ZFYVE1: variants seen among roughly 807,000 people sequenced by gnomAD.
ZFYVE1 encodes the protein zinc finger FYVE-type containing 1, also known as zinc finger FYVE domain-containing protein 1.
In ZFYVE1, 30 loss-of-function variants were observed where a neutral mutation model predicts 74.4. That is an observed-to-expected ratio of 0.40 (90% CI 0.30 to 0.55). The LOEUF (loss-of-function observed/expected upper bound fraction) is 0.55, where lower values mean the gene tolerates loss of function less well. Among genes scored for constraint, ZFYVE1 ranks in the 20% least tolerant of loss-of-function variants. ZFYVE1 has a pLI of 0.42. For synonymous variants in ZFYVE1, 335 were observed against 385.1 expected (o/e 0.87, Z 1.52); for missense variants, 703 against 1,011.6 (o/e 0.69, Z 4.14).
At chr14:73,004,324 G>A (rs762009151) in intron 2 of ZFYVE1, among the ~76,000 whole-genome samples, 4 of 152,044 alleles carry the variant, frequency 2.6e-5, no homozygotes, top group Non-Finnish European at 4.4e-5. Flanking sequence ...CTACTCTGTC[G>A]CGACTCTTTA....
In ZFYVE1 at chr14:72,970,879, G is replaced by T; in HGVS notation, c.*3C>A. ...TGTGAAGGACTCGGAGAGGGGGCTG[G>T]GGTTAAAGGTCACCGGGCTTTTTAT... On this transcript the variant is annotated 3_prime_UTR_variant, in exon 12 of 12. Transcript: ENST00000556143. 4 of 1,613,916 alleles carry T rather than the reference G, an allele frequency of 2.5e-6. No individual in the cohort carries two copies. Among genetic ancestry groups the T allele is most frequent in the Non-Finnish European group, 3.4e-6 (4 of 1,179,806 alleles).
Position 72,975,850 on chromosome 14 carries a change from A to C in ZFYVE1, c.1636-129T>G. 9.9e-7 allele frequency: 1 copy of C among 1,006,056 alleles called. No homozygotes were observed. The highest frequency in any genetic ancestry group is 1.5e-6 in the Non-Finnish European group (1 of 684,802). The allele number at this position is 1,006,056 out of a possible 1,614,324, so 62.3% of individuals were successfully genotyped here. On this transcript the variant is annotated intron_variant, in intron 8 of 11. Transcript: ENST00000556143. This position sits in a 1 kb window ranked among gnomAD's most constrained non-coding sequence, Gnocchi z 4.1. ...ACCACTAACTCCCTGGCAGGGAAGA[A>C]CGGAGACACACCAGGAATCCCTCTG...
chr14:72,978,836 AC>A, intron 6 of ZFYVE1, 24 bp downstream of exon 6: 1 of 1,604,716 alleles, frequency 6.2e-7, no homozygotes, highest in Non-Finnish European at 8.5e-7. Context: ...CGCTGCTGAC[AC>A]AGGGAGGAGC....
At chr14:72,977,736 T>C (rs912876606) in intron 8 of ZFYVE1, among the ~76,000 whole-genome samples, 191 bp downstream of exon 8, 2 of 152,166 alleles carry the variant, frequency 1.3e-5, no homozygotes, top group Non-Finnish European at 2.9e-5. Flanking sequence ...ACTTCTAATA[T>C]ATATGCAAGA....
At chr14:72,973,605 C>T (rs1452669556) in intron 11 of ZFYVE1, among the ~76,000 whole-genome samples, 2 of 152,190 alleles carry the variant, frequency 1.3e-5, no homozygotes, top group Non-Finnish European at 2.9e-5. Flanking sequence ...AAAGAAACCA[C>T]TGAAGAGGCC....
At position 73,027,021 on chromosome 14, in the gene ZFYVE1, T is replaced by C. The variant is rs1427017023; in HGVS notation, c.-530A>G. 6 of 398,904 alleles carry C rather than the reference T, an allele frequency of 1.5e-5. No individual in the cohort carries two copies. The highest frequency in any genetic ancestry group is 2.6e-5 in the Non-Finnish European group (6 of 226,430). 24.7% of individuals were successfully genotyped at this position (398,904 alleles called of 1,614,324 possible). A position where few individuals can be genotyped will look rare whatever the true frequency, so the allele number is the denominator to read the frequency against. On this transcript the variant is annotated 5_prime_UTR_variant, in exon 1 of 12. Coordinates refer to ENST00000556143, the MANE Select transcript of ZFYVE1 (RefSeq NM_021260.4). ...CCTCAGGACACCGGCAGATCCATCC[T>C]CATCTCCATCTCCGCCACCCTCCTC...
Position 72,975,427 on chromosome 14 carries a change from A to G in ZFYVE1, c.1806+124T>C. ...GACTCCTCCCCTTGCCGGTACTCAC[A>G]GAGCTCACTGCACTGGCAGAAAATG... On this transcript the variant is annotated intron_variant, in intron 9 of 11. Transcript: ENST00000556143. The surrounding 1 kb of genome is among the most constrained non-coding windows in gnomAD (Gnocchi z 4.1). The G allele has an allele frequency of 8.0e-7, 1 of 1,243,958 alleles. No homozygotes were observed. Among genetic ancestry groups the G allele is most frequent in the Non-Finnish European group, 1.1e-6 (1 of 901,290 alleles). 77.1% of individuals were successfully genotyped at this position (1,243,958 alleles called of 1,614,324 possible).
intron 2 of ZFYVE1, among the ~76,000 whole-genome samples, chr14:73,013,235 G>A (rs1262220305): frequency 6.6e-6 from 1 of 152,128 alleles, no homozygotes; most frequent in South Asian, 2.1e-4. Flanking sequence ...TCTGCCCCAA[G>A]AACTCCAGCT....
intron 2 of ZFYVE1, among the ~76,000 whole-genome samples, chr14:73,020,038 C>T (rs1017126161): frequency 2.6e-5 from 4 of 151,920 alleles, no homozygotes; most frequent in African/African-American, 9.7e-5. Context: ...GGGCAGGTCA[C>T]GAGGTCAAGA....
At chr14:73,012,130 T>C (rs928845893) in intron 2 of ZFYVE1, among the ~76,000 whole-genome samples, 2 of 151,122 alleles carry the variant, frequency 1.3e-5, no homozygotes, top group Non-Finnish European at 2.9e-5. Flanking sequence ...ATGAAACAAG[T>C]GGAGGGTTGG....
chr14:73,014,910 G>C (rs1032062744), intron 2 of ZFYVE1, among the ~76,000 whole-genome samples: 1 of 152,128 alleles, frequency 6.6e-6, no homozygotes, highest in African/African-American at 2.4e-5. Flanking sequence ...CAGACATGTG[G>C]CAGACCAGTA....
chr14:72,981,767 G>GT (rs773275192), intron 5 of ZFYVE1, 22 bp downstream of exon 5: 49 of 1,608,512 alleles, frequency 3.0e-5, no homozygotes, highest in Non-Finnish European at 3.8e-5. Flanking sequence ...GGGGTGGGAG[G>GT]TGGGGGAGCG....
In ZFYVE1 at chr14:72,988,797, ACT is replaced by A. The variant is rs1350204565; in HGVS notation, c.1203+4344_1203+4345del. Among the ~76,000 whole-genome samples, 5 of 137,040 alleles carry A rather than the reference ACT, an allele frequency of 3.6e-5. No homozygotes were observed. In the East Asian group the frequency reaches 6.5e-4, roughly 18 times the overall value. 89.9% of individuals were successfully genotyped at this position (137,040 alleles called of 152,430 possible). A position where few individuals can be genotyped will look rare whatever the true frequency, so the allele number is the denominator to read the frequency against. On this transcript the variant is annotated intron_variant, in intron 4 of 11. Coordinates refer to ENST00000556143, the MANE Select transcript of ZFYVE1 (RefSeq NM_021260.4). ...ACTCCAGCCTGAGTGACAGAGCAAG[ACT>A]CTGTCTCAAAAAAAAAAAAAAAAAG...
At chr14:73,010,221 T>A (rs1894059749) in intron 2 of ZFYVE1, among the ~76,000 whole-genome samples, 1 of 152,132 alleles carries the variant, frequency 6.6e-6, no homozygotes, top group South Asian at 2.1e-4. Context: ...TCCCAGAACT[T>A]TTGGAGGCCA....
chr14:72,993,104 C>T, intron 4 of ZFYVE1, 39 bp downstream of exon 4: 1 of 1,525,408 alleles, frequency 6.6e-7, no homozygotes, highest in Non-Finnish European at 8.8e-7. Context: ...CACCCACTGG[C>T]ACCCCAATGA....
Position 72,993,209 on chromosome 14 carries a change from C to T in ZFYVE1, c.1137G>A (p.Glu379=), listed in dbSNP as rs2333016. ...TDFSGLRRAL[E]QLLENNTTRS... The stretch of plus-strand genomic sequence containing the variant: ...GGGTGGTGTTATTCTCTAGTAGCTG[C>T]TCCAAAGCACGCCGAAGCCCAGAAA... The change falls in exon 4 of 12, where the codon GAG becomes GAA. Residue 379 remains glutamate (E), a synonymous_variant. Coordinates refer to ENST00000556143, the MANE Select transcript of ZFYVE1 (RefSeq NM_021260.4). 547,339 of 1,613,016 alleles carry T rather than the reference C, an allele frequency of 0.34. 95,454 individuals carry two copies. Among genetic ancestry groups the T allele is most frequent in the Middle Eastern group, 0.39 (2,347 of 6,030 alleles).
intron 4 of ZFYVE1, among the ~76,000 whole-genome samples, chr14:72,992,913 A>G (rs1893654125): frequency 6.6e-6 from 1 of 152,142 alleles, no homozygotes; most frequent in African/African-American, 2.4e-5. Flanking sequence ...TTTTTCTCCT[A>G]GCTGAGGACC....
chr14:72,970,771 A>T lies in ZFYVE1; in HGVS notation c.*111T>A. 1 of 1,185,810 alleles carries T rather than the reference A, an allele frequency of 8.4e-7. No individual in the cohort carries two copies. The highest frequency in any genetic ancestry group is 1.2e-6 in the Non-Finnish European group (1 of 844,666). 73.5% of individuals were successfully genotyped at this position (1,185,810 alleles called of 1,614,324 possible). A position where few individuals can be genotyped will look rare whatever the true frequency, so the allele number is the denominator to read the frequency against. ...AGGGAAAGTGGCCCTGGATGCGGAG[A>T]GGAGAGGACACACACCACAGCAGGT... On this transcript the variant is annotated 3_prime_UTR_variant, in exon 12 of 12. Coordinates refer to ENST00000556143, the MANE Select transcript of ZFYVE1 (RefSeq NM_021260.4).
intron 4 of ZFYVE1, among the ~76,000 whole-genome samples, chr14:72,992,626 C>CCA (rs1555532831): frequency 9.2e-6 from 1 of 108,924 alleles, no homozygotes; most frequent in African/African-American, 3.3e-5. Flanking sequence ...CCCCCCCCGC[C>CCA]CCTTGCAAGA....
Sources: allele counts gnomAD v4.1 joint callset (sites outside exome capture counted in the v4.1 genomes callset), GRCh38; gene constraint gnomAD v4.1.1; non-coding constraint Gnocchi (gnomAD v3.1); transcripts MANE v1.5; gene names NCBI Gene and HGNC (gene_info 2026-07-23, HGNC 2026-07-21).